Variants in MBP observed in about 807,000 individuals in gnomAD.
MBP encodes myelin basic protein, also known as Golli-MBP.
MBP carries 16 observed loss-of-function variants against 35.8 expected under a neutral mutation model. The ratio of observed to expected loss-of-function variants is 0.45; its 90% CI spans 0.30 to 0.68. The LOEUF is 0.68. Among genes scored for constraint, MBP ranks in the 30% least tolerant of loss-of-function variants. The pLI is 0.08. For synonymous variants in MBP, 143 were observed against 159.6 expected (o/e 0.90, Z 0.78); for missense variants, 380 against 404.7 (o/e 0.94, Z 0.52).
chr18:77,074,129 G>A (rs1008284690), intron 2 of MBP, among the ~76,000 whole-genome samples: 10 of 152,286 alleles, frequency 6.6e-5, no homozygotes, highest in South Asian at 2.1e-4. Flanking sequence ...TGAGGATTTC[G>A]CAGCCCCTCA....
chr18:77,092,649 T>A (rs2145037619), intron 2 of MBP, among the ~76,000 whole-genome samples: 1 of 152,146 alleles, frequency 6.6e-6, no homozygotes, highest in Middle Eastern at 3.4e-3. Flanking sequence ...CTGCCAGATC[T>A]CACCAAGCCA....
chr18:76,982,477 T>C (rs1196135124), intron 8 of MBP: 1 of 152,246 alleles, frequency 6.6e-6, no homozygotes, highest in African/African-American at 2.4e-5. Flanking sequence ...CACATGTATG[T>C]TCGTGGAAAC....
chr18:77,060,151 T>G (rs1044789139), intron 3 of MBP, among the ~76,000 whole-genome samples: 2 of 152,152 alleles, frequency 1.3e-5, no homozygotes, highest in African/African-American at 2.4e-5. Context: ...GGCCCCGCCA[T>G]TTCTCTATTT....
At chr18:77,062,707 CTGTT>C (rs773077723) in intron 3 of MBP, among the ~76,000 whole-genome samples, 1 of 152,146 alleles carries the variant, frequency 6.6e-6, no homozygotes. Context: ...TTTTAGTTGT[CTGTT>C]TGTGGTTTTG....
Position 77,017,223 on chromosome 18 carries a change from G to A in MBP, c.185C>T (p.Thr62Ile). The change falls in exon 4 of 9, where the codon ACA becomes ATA. Residue 62 changes from threonine to isoleucine, a missense_variant. Transcript: ENST00000355994. ...NQNNGTSSQDTAVTDSKRTAD... is the reference protein window; with the variant it reads ...NQNNGTSSQDIAVTDSKRTAD... ...TGTGCGCTTGGAGTCAGTCACCGCT[G>A]TGTCCTGAGAGGAGGTCCCATTGTT... The A allele has an allele frequency of 6.6e-7, 1 of 1,523,720 alleles. No individual in the cohort carries two copies. Among genetic ancestry groups the A allele is most frequent in the Non-Finnish European group, 8.8e-7 (1 of 1,137,288 alleles). 94.4% of individuals were successfully genotyped at this position (1,523,720 alleles called of 1,614,324 possible).
intron 3 of MBP, among the ~76,000 whole-genome samples, chr18:77,063,133 A>G (rs1974050245): frequency 6.6e-6 from 1 of 152,204 alleles, no homozygotes; most frequent in African/African-American, 2.4e-5. Context: ...CACTTTATAC[A>G]TTACAATTTT....
At chr18:76,985,324 G>A (rs568501285) in intron 7 of MBP, 2 of 1,292,998 alleles carry the variant, frequency 1.5e-6, no homozygotes, top group South Asian at 2.5e-5. Flanking sequence ...CTGTGTAGGT[G>A]CCGGTCCCCG....
chr18:77,091,347 T>C (rs949197980), intron 2 of MBP, among the ~76,000 whole-genome samples: 2 of 152,230 alleles, frequency 1.3e-5, no homozygotes, highest in Non-Finnish European at 1.5e-5. Flanking sequence ...AATTCTTTAG[T>C]AGCAAGGACT....
intron 4 of MBP, among the ~76,000 whole-genome samples, chr18:77,009,660 G>A (rs770572720): frequency 8.5e-5 from 13 of 152,224 alleles, no homozygotes; most frequent in Non-Finnish European, 1.5e-5. Flanking sequence ...TTGGGCATTT[G>A]TCTCTTCCTG....
At chr18:76,998,249 G>C (rs914063630) in intron 4 of MBP, among the ~76,000 whole-genome samples, 1 of 152,224 alleles carries the variant, frequency 6.6e-6, no homozygotes, top group African/African-American at 2.4e-5. Flanking sequence ...TGTGCATGGA[G>C]CCTGCAGCGT....
rs1233692819 is a variant in MBP, at chr18:77,058,397, G to T, written c.139+7901C>A. ...GGGCACCAGTTCAGGCTGACAGCCC[G>T]GCCGGACCCAGCCAACGCCCCGCAC... On this transcript the variant is annotated intron_variant, in intron 3 of 8. Transcript: ENST00000355994. 3.9e-5 allele frequency among the ~76,000 whole-genome samples: 6 copies of T among 152,288 alleles called. No individual in the cohort carries two copies. In the South Asian group the frequency reaches 1.2e-3, roughly 32 times the overall value.
chr18:77,052,989 C>T (rs1173350705), intron 3 of MBP, among the ~76,000 whole-genome samples: 1 of 152,248 alleles, frequency 6.6e-6, no homozygotes, highest in East Asian at 1.9e-4. Flanking sequence ...CACGCTAGAC[C>T]TCAGCTGCCT....
At chr18:77,068,462 G>A (rs893383279) in intron 2 of MBP, among the ~76,000 whole-genome samples, 6 of 152,136 alleles carry the variant, frequency 3.9e-5, no homozygotes, top group Non-Finnish European at 8.8e-5. Flanking sequence ...CCACACATCC[G>A]CCTGCATTTT....
intron 2 of MBP, among the ~76,000 whole-genome samples, chr18:77,072,969 T>G (rs1974511234): frequency 6.6e-6 from 1 of 152,222 alleles, no homozygotes; most frequent in Non-Finnish European, 1.5e-5. Flanking sequence ...AACGTGTTCT[T>G]TCTGAATCTT....
At chr18:77,096,046 G>A (rs1003121109) in intron 2 of MBP, among the ~76,000 whole-genome samples, 2 of 152,198 alleles carry the variant, frequency 1.3e-5, no homozygotes, top group African/African-American at 4.8e-5. Flanking sequence ...CACTAAAGAT[G>A]TTAAATACCC....
At chr18:76,990,757 G>A (rs1969856919) in intron 4 of MBP, 1 of 202,096 alleles carries the variant, frequency 4.9e-6, no homozygotes, top group Non-Finnish European at 1.0e-5. Flanking sequence ...AGGTTGACAG[G>A]TGTACAACTA....
At chr18:77,093,107 C>CAGAGCCCGCGTCCCCGGTGCCAG (rs147452428) in intron 2 of MBP, 2 of 152,080 alleles carry the variant, frequency 1.3e-5, no homozygotes, top group Non-Finnish European at 2.9e-5. Context: ...GGCAAAAGAA[C>CAGAGCCCGCGTCCCCGGTGCCAG]AGTGCCCGCC....
At chr18:77,108,724 C>T (rs1976357685) in intron 1 of MBP, 2 of 152,278 alleles carry the variant, frequency 1.3e-5, no homozygotes, top group Non-Finnish European at 2.9e-5. Context: ...GCAGCTTAGA[C>T]TACATGTCAC....
rs114229514 is a variant in MBP at position 77,057,083 on chromosome 18, T to C, written c.139+9215A>G. ...GCCTGGGTACTACAATGAAGCAGGG[T>C]AAATATTCAGAAGTGTGTTTGGGTT... On this transcript the variant is annotated intron_variant, in intron 3 of 8. Transcript: ENST00000355994. Among the ~76,000 whole-genome samples, 405 of 152,166 alleles carry C rather than the reference T, an allele frequency of 2.7e-3. 3 individuals are homozygous for C. The highest frequency in any genetic ancestry group is 9.2e-3 in the African/African-American group (383 of 41,508).
Sources: allele counts gnomAD v4.1 joint callset (sites outside exome capture counted in the v4.1 genomes callset), GRCh38; gene constraint gnomAD v4.1.1; transcripts MANE v1.5; gene names NCBI Gene and HGNC (gene_info 2026-07-23, HGNC 2026-07-21).